Variants in GPC5 observed in about 807,000 individuals in gnomAD.
The protein encoded by GPC5 is glypican-5.
Under a neutral mutation model 53.9 loss-of-function variants are expected in GPC5, and 47 were observed. The observed-to-expected ratio is 0.87, with a 90% CI of 0.69 to 1.11. The LOEUF (loss-of-function observed/expected upper bound fraction) is 1.11, where lower values mean the gene tolerates loss of function less well. Ranked by LOEUF, GPC5 falls within the 50% of genes most tolerant of loss-of-function variation. The probability of loss-of-function intolerance (pLI) is 0.00; values close to 1 mark genes in which losing one functional copy is unlikely to be tolerated. For synonymous variants in GPC5, 286 were observed against 263.3 expected, an observed-to-expected ratio of 1.09 and a Z score of -0.84; for missense variants, 748 against 713.1, an observed-to-expected ratio of 1.05 and a Z score of -0.56.
chr13:92,328,673 T>C (rs61966639), intron 7 of GPC5, among the ~76,000 whole-genome samples: 8,601 of 152,196 alleles, frequency 0.057, 273 homozygotes, highest in East Asian at 0.095. Context: ...TGCAATTTAT[T>C]CGCATCACTC....
intron 6 of GPC5, among the ~76,000 whole-genome samples, chr13:91,969,727 A>C (rs1407869745): frequency 1.3e-5 from 2 of 152,226 alleles, no homozygotes; most frequent in Non-Finnish European, 2.9e-5. Flanking sequence ...GATTTCACAA[A>C]ATAAAACATA....
At chr13:91,618,326 T>C in intron 2 of GPC5, among the ~76,000 whole-genome samples, 1 of 152,154 alleles carries the variant, frequency 6.6e-6, no homozygotes, top group East Asian at 1.9e-4. Flanking sequence ...CCCCCTTTTA[T>C]GTCCAGGCTT....
chr13:92,185,792 T>C (rs2042179819), intron 7 of GPC5, among the ~76,000 whole-genome samples: 1 of 152,166 alleles, frequency 6.6e-6, no homozygotes, highest in Admixed American at 6.5e-5. Context: ...AATATGTTGA[T>C]TGATTCCCAT....
chr13:91,817,441 G>A (rs1157405341), intron 5 of GPC5, among the ~76,000 whole-genome samples: 1 of 152,128 alleles, frequency 6.6e-6, no homozygotes, highest in African/African-American at 2.4e-5. Context: ...TGGCATCCTT[G>A]TACCGGATGA....
chr13:91,779,789 C>A (rs908887610), intron 5 of GPC5, among the ~76,000 whole-genome samples: 1 of 152,078 alleles, frequency 6.6e-6, no homozygotes, highest in African/African-American at 2.4e-5. Context: ...GGAAAGTCTG[C>A]AGGGAAAGTC....
chr13:92,181,639 C>A (rs2042147981), intron 7 of GPC5, among the ~76,000 whole-genome samples: 1 of 151,984 alleles, frequency 6.6e-6, no homozygotes, highest in Non-Finnish European at 1.5e-5. Flanking sequence ...AAGTAAAGCC[C>A]TAAAAGCAAC....
chr13:92,417,694 G>A (rs901245401), intron 7 of GPC5, among the ~76,000 whole-genome samples: 1 of 152,058 alleles, frequency 6.6e-6, no homozygotes, highest in Non-Finnish European at 1.5e-5. Flanking sequence ...ACAACATGGA[G>A]AAACCCCATC....
At chr13:91,534,864 C>T (rs1224119198) in intron 2 of GPC5, among the ~76,000 whole-genome samples, 1 of 152,148 alleles carries the variant, frequency 6.6e-6, no homozygotes, top group Non-Finnish European at 1.5e-5. Flanking sequence ...GCTGTATCTT[C>T]TAGACTTCGA....
chr13:91,604,760 A>C (rs1228869705), intron 2 of GPC5, among the ~76,000 whole-genome samples: 2 of 46,064 alleles, frequency 4.3e-5, no homozygotes, highest in African/African-American at 2.6e-4. Context: ...TCTTTTGAGA[A>C]GTGTCTGTTC....
Position 92,236,840 on chromosome 13 carries a change from A to G in GPC5, c.1561+91851A>G, listed in dbSNP as rs2042573850. ...ATTGTTCACAGGGTTCTATATATTT[A>G]TCAGCATTTTTTTTTTGTTTTGATT... On this transcript the variant is annotated intron_variant, in intron 7 of 7. Coordinates refer to ENST00000377067, the MANE Select transcript of GPC5 (RefSeq NM_004466.6). 3.3e-5 allele frequency among the ~76,000 whole-genome samples: 4 copies of G among 119,814 alleles called. 1 individual carries two copies. The South Asian group carries it at 1.2e-3, about 37-fold the overall frequency. 78.6% of individuals were successfully genotyped at this position (119,814 alleles called of 152,430 possible). A position where few individuals can be genotyped will look rare whatever the true frequency, so the allele number is the denominator to read the frequency against.
At position 91,693,734 on chromosome 13, in the gene GPC5, C is replaced by T; in HGVS notation, c.873C>T (p.His291=). 6.2e-7 allele frequency: 1 copy of T among 1,614,174 alleles called. No individual in the cohort carries two copies. Among genetic ancestry groups the T allele is most frequent in the Middle Eastern group, 1.7e-4 (1 of 6,060 alleles). Residue 291 remains histidine (H), a synonymous_variant, in exon 3 of 8, where the codon CAC becomes CAT. Transcript: ENST00000377067. ...CLAHMAELNP[H]WHAYIRSLEE... Reference sequence around the variant, plus strand: ...CGCACATGGCGGAGCTTAATCCACACTGGCATGCATATATCCGGTCGTTGG... The same window carrying T: ...CGCACATGGCGGAGCTTAATCCACATTGGCATGCATATATCCGGTCGTTGG...
At chr13:92,645,431 T>C (rs1458595567) in intron 7 of GPC5, among the ~76,000 whole-genome samples, 1 of 152,234 alleles carries the variant, frequency 6.6e-6, no homozygotes. Context: ...TATAATTTAA[T>C]ATAAATGTAA....
At chr13:92,754,823 C>A (rs1010270128) in intron 7 of GPC5, among the ~76,000 whole-genome samples, 4 of 147,072 alleles carry the variant, frequency 2.7e-5, no homozygotes, top group Admixed American at 7.0e-5. Flanking sequence ...CACCCAGATT[C>A]ATAAAGCAAG....
intron 4 of GPC5, among the ~76,000 whole-genome samples, chr13:91,731,182 T>G (rs1177664086): frequency 6.6e-6 from 1 of 152,214 alleles, no homozygotes; most frequent in Non-Finnish European, 1.5e-5. Context: ...ATTAGCTGCA[T>G]AGCAGGTGTC....
chr13:91,927,986 A>T, intron 6 of GPC5, among the ~76,000 whole-genome samples: 1 of 152,218 alleles, frequency 6.6e-6, no homozygotes, highest in East Asian at 1.9e-4. Context: ...TCCTATCAAA[A>T]TCAATAAATA....
chr13:92,729,118 C>T (rs1163126505), intron 7 of GPC5, among the ~76,000 whole-genome samples: 2 of 151,256 alleles, frequency 1.3e-5, no homozygotes, highest in Admixed American at 6.6e-5. Context: ...TTCACTTGGA[C>T]TGCCCTTCTC....
intron 5 of GPC5, among the ~76,000 whole-genome samples, chr13:91,783,335 G>A (rs995119685): frequency 1.3e-5 from 2 of 152,154 alleles, no homozygotes; most frequent in African/African-American, 4.8e-5. Context: ...AATTGGTGAA[G>A]TAAAACTTTT....
intron 7 of GPC5, among the ~76,000 whole-genome samples, chr13:92,829,560 C>G (rs1179868072): frequency 6.6e-6 from 1 of 152,100 alleles, no homozygotes; most frequent in African/African-American, 2.4e-5. Context: ...TAGGTCTTAT[C>G]TTCTATTAGT....
chr13:92,080,367 G>A (rs878965881), intron 6 of GPC5, among the ~76,000 whole-genome samples: 1 of 152,092 alleles, frequency 6.6e-6, no homozygotes, highest in Admixed American at 6.5e-5. Context: ...CCAGACATGT[G>A]TATAGAATTG....
Sources: allele counts gnomAD v4.1 joint callset (sites outside exome capture counted in the v4.1 genomes callset), GRCh38; gene constraint gnomAD v4.1.1; transcripts MANE v1.5; gene names NCBI Gene and HGNC (gene_info 2026-07-23, HGNC 2026-07-21).